The following NAA40 variants were observed in gnomAD, a reference collection of about 807,000 sequenced individuals.
NAA40 encodes N-alpha-acetyltransferase 40.
A neutral mutation model predicts 36.6 loss-of-function variants in NAA40; 26 were observed. The observed-to-expected ratio is 0.71, with a 90% CI of 0.52 to 0.98. The LOEUF is 0.98. NAA40 is among the 50% of genes least tolerant of loss of function. NAA40 has a pLI of 0.00. For synonymous variants in NAA40, 129 were observed against 108.4 expected, an observed-to-expected ratio of 1.19 and a Z score of -1.18; for missense variants, 237 against 306.5, an observed-to-expected ratio of 0.77 and a Z score of 1.69.
chr11:63,944,675 G>A (rs1208585937), intron 1 of NAA40, among the ~76,000 whole-genome samples: 1 of 152,144 alleles, frequency 6.6e-6, no homozygotes, highest in Non-Finnish European at 1.5e-5. Context: ...GGCTGAGGCA[G>A]GCGGATTACT....
chr11:63,946,869 C>G (rs757838142), intron 2 of NAA40, 82 bp from the exon 3 acceptor site: 2 of 1,608,350 alleles, frequency 1.2e-6, no homozygotes, highest in Non-Finnish European at 1.7e-6. Flanking sequence ...CAGCATCCCA[C>G]TCCAAGACAA....
intron 1 of NAA40, among the ~76,000 whole-genome samples, chr11:63,942,563 A>G (rs1942125431): frequency 6.6e-6 from 1 of 152,176 alleles, no homozygotes; most frequent in Admixed American, 6.5e-5. Flanking sequence ...TTTTTTGTAC[A>G]AAGCTCCCTT....
At chr11:63,950,209 C>T (rs954070555) in intron 3 of NAA40, among the ~76,000 whole-genome samples, 6 of 151,058 alleles carry the variant, frequency 4.0e-5, no homozygotes, top group African/African-American at 1.5e-4. Context: ...GCCTCTGCCT[C>T]CTGGGTTCAA....
At chr11:63,941,549 C>T (rs1942109171) in intron 1 of NAA40, among the ~76,000 whole-genome samples, 1 of 151,134 alleles carries the variant, frequency 6.6e-6, no homozygotes, top group Non-Finnish European at 1.5e-5. Context: ...TGTTTCTTTT[C>T]TTTTCTTTTC....
rs1942189361 is a variant in NAA40 at position 63,946,510 on chromosome 11, C to T, written c.103-441C>T. On this transcript the variant is annotated intron_variant, in intron 2 of 7. Transcript: ENST00000377793. ...GTGAGCCACAGTGCCCAGCCCCTGCCTCCATTTAGTATCCCATTTTTTGGT... is the reference window on the plus strand; with the variant it reads ...GTGAGCCACAGTGCCCAGCCCCTGCTTCCATTTAGTATCCCATTTTTTGGT... 7.0e-6 allele frequency: 8 copies of T among 1,137,374 alleles called. 1 individual carries two copies. In the South Asian group the frequency reaches 9.9e-5, roughly 14 times the overall value. 70.5% of individuals were successfully genotyped at this position (1,137,374 alleles called of 1,614,324 possible).
At chr11:63,953,677 T>C (rs1017916140) in intron 6 of NAA40, among the ~76,000 whole-genome samples, 1 of 152,152 alleles carries the variant, frequency 6.6e-6, no homozygotes, top group African/African-American at 2.4e-5. Flanking sequence ...TGGAGTGCAG[T>C]GGTGTGATCG....
In NAA40 at chr11:63,956,213, C is replaced by T. The variant is rs921491099; in HGVS notation, c.*1734C>T. The T allele has an allele frequency of 6.5e-6, 1 of 152,746 alleles. No individual in the cohort carries two copies. The highest frequency in any genetic ancestry group is 1.5e-5 in the Non-Finnish European group (1 of 68,090). The allele number at this position is 152,746 out of a possible 1,614,324, so 9.5% of individuals were successfully genotyped here. ...TGCCTCTGCCTCACCCTGCTGGCTC[C>T]TGGTGGGTTTCATCCCAGGCAGAGT... On this transcript the variant is annotated 3_prime_UTR_variant, in exon 8 of 8. Coordinates refer to ENST00000377793, the MANE Select transcript of NAA40 (RefSeq NM_024771.4).
intron 1 of NAA40, chr11:63,939,604 C>T: frequency 1.9e-6 from 1 of 517,884 alleles, no homozygotes; most frequent in South Asian, 8.2e-5. Flanking sequence ...CTTCCCGTTA[C>T]TCGAGTCTCA....
Position 63,939,064 on chromosome 11 carries a change from G to C in NAA40, c.-33G>C. On this transcript the variant is annotated 5_prime_UTR_variant, in exon 1 of 8. Coordinates refer to ENST00000377793, the MANE Select transcript of NAA40 (RefSeq NM_024771.4). ...TTGCCGCCTCCCTGCCGGCAAGTGT[G>C]TGAAGAAGAAGCTGAGCGTTGTCGC... The C allele has an allele frequency of 1.9e-6, 3 of 1,603,798 alleles. No homozygotes were observed. The African/African-American group carries it at 4.1e-5, about 22-fold the overall frequency.
At chr11:63,953,906 A>G in intron 6 of NAA40, 66 bp from the exon 7 acceptor site, 3 of 1,408,740 alleles carry the variant, frequency 2.1e-6, no homozygotes, top group Non-Finnish European at 3.0e-6. Flanking sequence ...CTGGGATTAC[A>G]GGTGCATGCC....
chr11:63,952,524 C>A lies in NAA40; in HGVS notation c.369C>A (p.His123Gln). 6.2e-7 allele frequency: 1 copy of A among 1,614,160 alleles called. No homozygotes were observed. The highest frequency in any genetic ancestry group is 8.5e-7 in the Non-Finnish European group (1 of 1,180,032). The change falls in exon 5 of 8, where the codon CAC (histidine) becomes CAA (glutamine). Residue 123 changes from histidine (H) to glutamine (Q), a missense_variant. Coordinates refer to ENST00000377793, the MANE Select transcript of NAA40 (RefSeq NM_024771.4). The stretch of plus-strand genomic sequence containing the variant: ...GCTCCGTCCCTGTTGCCTTTTCTCA[C>A]TTCCGGTTTGACGTGGAGTGTGGGG... ...ENSSVPVAFS[H>Q]FRFDVECGDE...
In NAA40 at chr11:63,952,562, A is replaced by G. The variant is rs1039207306; in HGVS notation, c.407A>G (p.Tyr136Cys). ...FDVECGDEVLYCYEVQLESKV... is the reference protein window; with the variant it reads ...FDVECGDEVLCCYEVQLESKV... ...GTGGAGTGTGGGGATGAAGTCCTGT[A>G]CTGGTAGGAGCCATGGCTTGGGGGA... Residue 136 changes from tyrosine to cysteine, a missense_variant, in exon 5 of 8, where the codon TAC (tyrosine) becomes TGC (cysteine). Coordinates refer to ENST00000377793, the MANE Select transcript of NAA40 (RefSeq NM_024771.4). 8 of 1,613,898 alleles carry G rather than the reference A, an allele frequency of 5.0e-6. No individual in the cohort carries two copies. In the South Asian group the frequency reaches 7.7e-5, roughly 16 times the overall value.
intron 2 of NAA40, 145 bp from the exon 3 acceptor site, chr11:63,946,806 G>A (rs1169572307): frequency 6.4e-7 from 1 of 1,558,738 alleles, no homozygotes; most frequent in Non-Finnish European, 8.7e-7. Flanking sequence ...CAAATGGTGG[G>A]TTTTGGGAGG....
At chr11:63,946,549 C>A in intron 2 of NAA40, 1 of 1,170,704 alleles carries the variant, frequency 8.5e-7, no homozygotes, top group African/African-American at 1.6e-5. Flanking sequence ...TCTTTTAACC[C>A]ACTCATAGTA....
Position 63,954,193 on chromosome 11 carries a change from AG to A in NAA40, c.573-144del. On this transcript the variant is annotated intron_variant, in intron 7 of 7. Transcript: ENST00000377793. ...TTCAGGTTCAGGGAGATGGTATGGC[AG>A]TGCTCTCTGATTTGGTCCACTGTCC... The A allele has an allele frequency of 5.4e-6, 7 of 1,308,402 alleles. No individual in the cohort carries two copies. The Middle Eastern group carries it at 7.2e-4, about 134-fold the overall frequency. The allele number at this position is 1,308,402 out of a possible 1,614,324, so 81.0% of individuals were successfully genotyped here. A position where few individuals can be genotyped will look rare whatever the true frequency, so the allele number is the denominator to read the frequency against.
chr11:63,939,022 T>C lies in NAA40; in HGVS notation c.-75T>C, dbSNP rs1229696406. 1.4e-6 allele frequency: 2 copies of C among 1,454,824 alleles called. No homozygotes were observed. Among genetic ancestry groups the C allele is most frequent in the Non-Finnish European group, 9.4e-7 (1 of 1,066,136 alleles). The allele number at this position is 1,454,824 out of a possible 1,614,324, so 90.1% of individuals were successfully genotyped here. On this transcript the variant is annotated 5_prime_UTR_variant, in exon 1 of 8. Transcript: ENST00000377793. ...GGGCCGTCCGCTCTGCTGCCGCCGCTGTTGCAGCCACCGCCGTTGCCGCCT... is the reference window on the plus strand; with the variant it reads ...GGGCCGTCCGCTCTGCTGCCGCCGCCGTTGCAGCCACCGCCGTTGCCGCCT...
In NAA40 at chr11:63,952,268, G is replaced by C. The variant is rs1003386023; in HGVS notation, c.186G>C (p.Val62=). Residue 62 remains valine (V), a synonymous_variant, in exon 4 of 8, where the codon GTG becomes GTC. Transcript: ENST00000377793. ...ATGTCTCCATTGAATGTAAGCGAGTGTCTGGACTGGAGCCAGCCACCGTGG... is the reference window on the plus strand; with the variant it reads ...ATGTCTCCATTGAATGTAAGCGAGTCTCTGGACTGGAGCCAGCCACCGTGG... ...GLNVSIECKR[V]SGLEPATVDW... 6.2e-7 allele frequency: 1 copy of C among 1,613,484 alleles called. No homozygotes were observed. The highest frequency in any genetic ancestry group is 1.1e-5 in the South Asian group (1 of 90,942).
intron 7 of NAA40, 140 bp from the exon 8 acceptor site, chr11:63,954,198 T>C: frequency 2.3e-6 from 3 of 1,325,496 alleles, no homozygotes; most frequent in South Asian, 2.8e-5. Flanking sequence ...ATGGCAGTGC[T>C]CTCTGATTTG....
In NAA40 at chr11:63,954,511, C is replaced by G; in HGVS notation, c.*32C>G. 6.3e-7 allele frequency: 1 copy of G among 1,575,342 alleles called. No individual in the cohort carries two copies. The highest frequency in any genetic ancestry group is 1.2e-5 in the South Asian group (1 of 83,380). ...AGAGCCACTTTCAAGTCACAATGCT[C>G]TCTCCTAAGGCCTTTCCTCTTTCCT... On this transcript the variant is annotated 3_prime_UTR_variant, in exon 8 of 8. Coordinates refer to ENST00000377793, the MANE Select transcript of NAA40 (RefSeq NM_024771.4).
Sources: allele counts gnomAD v4.1 joint callset (sites outside exome capture counted in the v4.1 genomes callset), GRCh38; gene constraint gnomAD v4.1.1; transcripts MANE v1.5; gene names NCBI Gene and HGNC (gene_info 2026-07-23, HGNC 2026-07-21).